Variants in KLHL14 observed in about 807,000 individuals in gnomAD.
KLHL14 encodes the protein kelch like family member 14, also known as kelch-like protein 14.
In KLHL14, 22 loss-of-function variants were observed where a neutral mutation model predicts 64.3. That is an observed-to-expected ratio of 0.34 (90% CI 0.24 to 0.49). KLHL14 has a LOEUF of 0.49. Among genes scored for constraint, KLHL14 ranks in the 20% least tolerant of loss-of-function variants. KLHL14 has a pLI of 0.99. For missense variants in KLHL14, 661 were observed against 789.0 expected (o/e 0.84, Z 1.94); for synonymous variants, 322 against 333.4 (o/e 0.97, Z 0.37).
chr18:32,711,298 A>C (rs2050017910), intron 3 of KLHL14, among the ~76,000 whole-genome samples: 1 of 152,158 alleles, frequency 6.6e-6, no homozygotes, highest in African/African-American at 2.4e-5. Context: ...GGGTATATGT[A>C]GCATTTGGGG....
rs1568061256 is a variant in KLHL14, at chr18:32,674,599, A to C, written c.*58T>G. On this transcript the variant is annotated 3_prime_UTR_variant, in exon 9 of 9. Coordinates refer to ENST00000359358, the MANE Select transcript of KLHL14 (RefSeq NM_020805.3). ...ATGCATTGTTCCTATTATAATAGTG[A>C]TGTCACCTGCCATTGCTTCCTAGAA... 1.3e-6 allele frequency: 1 copy of C among 762,458 alleles called. No individual in the cohort carries two copies. The highest frequency in any genetic ancestry group is 2.5e-6 in the Non-Finnish European group (1 of 407,280). The allele number at this position is 762,458 out of a possible 1,614,324, so 47.2% of individuals were successfully genotyped here. A position where few individuals can be genotyped will look rare whatever the true frequency, so the allele number is the denominator to read the frequency against.
chr18:32,699,850 G>A (rs915730525), intron 3 of KLHL14, among the ~76,000 whole-genome samples: 1 of 151,934 alleles, frequency 6.6e-6, no homozygotes, highest in African/African-American at 2.4e-5. Flanking sequence ...CCTTAAAGCA[G>A]AGTACATTTG....
chr18:32,734,857 G>A (rs1385661776), intron 3 of KLHL14, among the ~76,000 whole-genome samples: 1 of 151,824 alleles, frequency 6.6e-6, no homozygotes, highest in Non-Finnish European at 1.5e-5. Flanking sequence ...TTTCAATTCA[G>A]GTCTATCTGT....
At chr18:32,675,507 T>TG (rs1267430829) in intron 8 of KLHL14, among the ~76,000 whole-genome samples, 1 of 152,218 alleles carries the variant, frequency 6.6e-6, no homozygotes, top group African/African-American at 2.4e-5. Flanking sequence ...ATTTTGCTAC[T>TG]GTGAAGAATC....
intron 3 of KLHL14, among the ~76,000 whole-genome samples, chr18:32,729,530 G>A (rs1434802742): frequency 6.6e-5 from 10 of 152,134 alleles, no homozygotes; most frequent in Non-Finnish European, 2.9e-5. Flanking sequence ...TAGGAGACAA[G>A]GAAAGTAAGC....
chr18:32,752,953 A>ATT (rs1407108010), intron 2 of KLHL14, among the ~76,000 whole-genome samples: 1 of 70,246 alleles, frequency 1.4e-5, no homozygotes, highest in Non-Finnish European at 2.9e-5. Flanking sequence ...CCAGCATCAT[A>ATT]TTTGTGTGTG....
intron 2 of KLHL14, among the ~76,000 whole-genome samples, chr18:32,758,237 C>A (rs752956166): frequency 9.9e-5 from 15 of 152,030 alleles, no homozygotes; most frequent in African/African-American, 1.4e-4. Flanking sequence ...GTTTTCCTGC[C>A]TCAGCCTCTG....
At position 32,717,957 on chromosome 18, in the gene KLHL14, C is replaced by A. The variant is rs544835243; in HGVS notation, c.1070-22405G>T. On this transcript the variant is annotated intron_variant, in intron 3 of 8. Transcript: ENST00000359358. ...GATCAATTTGGCCAACCAAGCCAGG[C>A]TGTCTCTTACTTCTACAGCCCAGTA... Among the ~76,000 whole-genome samples, 21 of 152,306 alleles carry A rather than the reference C, an allele frequency of 1.4e-4. No homozygotes were observed. In the South Asian group the frequency reaches 4.3e-3, roughly 32 times the overall value.
At chr18:32,692,810 C>T (rs1222388291) in intron 4 of KLHL14, among the ~76,000 whole-genome samples, 1 of 152,190 alleles carries the variant, frequency 6.6e-6, no homozygotes, top group Non-Finnish European at 1.5e-5. Flanking sequence ...GTCATTTAAC[C>T]TCTTCAGGCT....
intron 3 of KLHL14, among the ~76,000 whole-genome samples, chr18:32,718,323 C>G (rs76616297): frequency 2.0e-5 from 3 of 152,174 alleles, no homozygotes; most frequent in African/African-American, 7.2e-5. Flanking sequence ...ATTTAAAATG[C>G]AATGTCATAT....
intron 4 of KLHL14, among the ~76,000 whole-genome samples, chr18:32,688,298 C>T (rs972177936): frequency 1.3e-5 from 2 of 152,080 alleles, no homozygotes; most frequent in African/African-American, 4.8e-5. Flanking sequence ...TGTGCTCACA[C>T]AGACATGTCC....
intron 3 of KLHL14, among the ~76,000 whole-genome samples, chr18:32,716,058 CA>C (rs1368520611): frequency 6.6e-6 from 1 of 152,126 alleles, no homozygotes; most frequent in African/African-American, 2.4e-5. Flanking sequence ...CTTTGAATTA[CA>C]TTCATCTGAC....
In KLHL14 at chr18:32,770,331, C is replaced by T; in HGVS notation, c.261G>A (p.Pro87=). ...GCTGCTGTGACGGCTGCTGCTGCGG[C>T]GGCTGCTGCTGGTCCTTGGGGGCCC... The part of the protein sequence containing the change: ...GLGAPKDQQQ[P]PQQQPSQQQQ... The change falls in exon 2 of 9, where the codon CCG becomes CCA. Residue 87 remains proline (P), a synonymous_variant. Coordinates refer to ENST00000359358, the MANE Select transcript of KLHL14 (RefSeq NM_020805.3). This position sits in a 1 kb window ranked among gnomAD's most constrained non-coding sequence, Gnocchi z 6.7. 1.3e-6 allele frequency: 2 copies of T among 1,584,144 alleles called. No homozygotes were observed. The highest frequency in any genetic ancestry group is 1.7e-6 in the Non-Finnish European group (2 of 1,165,630).
chr18:32,727,034 T>C (rs1598565799), intron 3 of KLHL14, among the ~76,000 whole-genome samples: 1 of 152,212 alleles, frequency 6.6e-6, no homozygotes, highest in East Asian at 1.9e-4. Context: ...TTTCCCTATA[T>C]GGGAAGGCAG....
chr18:32,758,343 A>G (rs1361714058), intron 2 of KLHL14, among the ~76,000 whole-genome samples: 1 of 152,198 alleles, frequency 6.6e-6, no homozygotes, highest in Non-Finnish European at 1.5e-5. Context: ...GATGCTCAAC[A>G]TGATTAGCCA....
intron 3 of KLHL14, among the ~76,000 whole-genome samples, chr18:32,717,767 A>G (rs1197990483): frequency 2.6e-5 from 4 of 152,150 alleles, no homozygotes; most frequent in African/African-American, 4.8e-5. Flanking sequence ...TCCTTCCTTC[A>G]TCAATACACT....
chr18:32,761,410 T>C (rs2050313322), intron 2 of KLHL14, among the ~76,000 whole-genome samples: 1 of 151,372 alleles, frequency 6.6e-6, no homozygotes, highest in African/African-American at 2.4e-5. Context: ...TTTTTTTTTT[T>C]TTAAGTTCCT....
intron 4 of KLHL14, among the ~76,000 whole-genome samples, chr18:32,692,130 A>T (rs1427953879): frequency 6.6e-6 from 1 of 152,214 alleles, no homozygotes; most frequent in Non-Finnish European, 1.5e-5. Context: ...AGGAGTTAAT[A>T]ATTATATCTG....
intron 4 of KLHL14, among the ~76,000 whole-genome samples, chr18:32,695,217 GGCTGGGGTATCACTGT>G (rs1271459887): frequency 6.6e-6 from 1 of 152,078 alleles, no homozygotes; most frequent in Non-Finnish European, 1.5e-5. Context: ...TAAGGAGAGG[GGCTGGGGTATCACTGT>G]GAAGCCAAAT....
Sources: allele counts gnomAD v4.1 joint callset (sites outside exome capture counted in the v4.1 genomes callset), GRCh38; gene constraint gnomAD v4.1.1; non-coding constraint Gnocchi (gnomAD v3.1); transcripts MANE v1.5; gene names NCBI Gene and HGNC (gene_info 2026-07-23, HGNC 2026-07-21).